UGT1A6: variants seen among roughly 807,000 people sequenced by gnomAD.
The protein encoded by UGT1A6 is UDP-glucuronosyltransferase 1A6.
Under a neutral mutation model 44.4 loss-of-function variants are expected in UGT1A6, and 32 were observed. That is an observed-to-expected ratio of 0.72 (90% CI 0.54 to 0.97). UGT1A6 has a LOEUF of 0.97. Among genes scored for constraint, UGT1A6 ranks in the 50% least tolerant of loss-of-function variants. UGT1A6 has a pLI of 0.00. For missense variants in UGT1A6, 685 were observed against 661.9 expected (o/e 1.03, Z -0.38); for synonymous variants, 238 against 248.5 (o/e 0.96, Z 0.40).
At chr2:233,735,081 G>T (rs541127094) in intron 1 of UGT1A6, among the ~76,000 whole-genome samples, 3 of 152,254 alleles carry the variant, frequency 2.0e-5, no homozygotes, top group African/African-American at 7.2e-5. Context: ...TTAACCTTTG[G>T]TCTTGTTGAA....
At position 233,769,409 on chromosome 2, in the gene UGT1A6, G is replaced by T; in HGVS notation, c.1301+970G>T. The T allele has an allele frequency of 7.6e-7, 1 of 1,316,726 alleles. No individual in the cohort carries two copies. Among genetic ancestry groups the T allele is most frequent in the South Asian group, 1.3e-5 (1 of 78,812 alleles). 81.6% of individuals were successfully genotyped at this position (1,316,726 alleles called of 1,614,324 possible). A position where few individuals can be genotyped will look rare whatever the true frequency, so the allele number is the denominator to read the frequency against. On this transcript the variant is annotated intron_variant, in intron 4 of 4. Transcript: ENST00000305139. The surrounding 1 kb of genome is among the most constrained non-coding windows in gnomAD (Gnocchi z 4.4). The stretch of plus-strand genomic sequence containing the variant: ...AGATACTGTGTGCATATGTGCGTGT[G>T]CGTTTGTGCATGTGGCTGTGCTCAT...
chr2:233,767,888 G>A lies in UGT1A6; in HGVS notation c.1033G>A (p.Ala345Thr), dbSNP rs771899094. 2 of 1,614,028 alleles carry A rather than the reference G, an allele frequency of 1.2e-6. No individual in the cohort carries two copies. The highest frequency in any genetic ancestry group is 3.3e-5 in the Admixed American group (2 of 60,002). The stretch of plus-strand genomic sequence containing the variant: ...CACTGGAACCCGACCATCGAATCTT[G>A]CGAACAACACGATACTTGTTAAGTG... ...RYTGTRPSNL[A>T]NNTILVKWLP... Residue 345 changes from alanine to threonine, a missense_variant, in exon 3 of 5, where the codon GCG becomes ACG. By Grantham distance (58) the Ala-to-Thr change is moderately conservative. Transcript: ENST00000305139.
chr2:233,692,976 T>C lies in UGT1A6; in HGVS notation c.-29T>C, dbSNP rs550082813. The C allele has an allele frequency of 1.9e-6, 3 of 1,612,736 alleles. No individual in the cohort carries two copies. The highest frequency in any genetic ancestry group is 1.7e-5 in the Admixed American group (1 of 59,892). On this transcript the variant is annotated 5_prime_UTR_variant, in exon 1 of 5. Transcript: ENST00000305139. ...TGATTTGGAGAGTGAAAACTCTTTA[T>C]TACCGTTGTTACTTTAACTCTTTCC...
intron 1 of UGT1A6, chr2:233,743,960 G>A (rs745723342): frequency 3.1e-5 from 42 of 1,334,096 alleles, no homozygotes; most frequent in South Asian, 3.6e-5. Flanking sequence ...CACAGCGAGC[G>A]GCAAGGCTGC....
intron 1 of UGT1A6, chr2:233,708,627 T>C (rs2076026553): frequency 6.6e-6 from 1 of 152,184 alleles, no homozygotes; most frequent in Non-Finnish European, 1.5e-5. Flanking sequence ...AGCGTGTGCC[T>C]GTAGACCTAA....
intron 1 of UGT1A6, among the ~76,000 whole-genome samples, chr2:233,765,334 TAAC>T (rs1239541467): frequency 6.6e-6 from 1 of 152,144 alleles, no homozygotes; most frequent in African/African-American, 2.4e-5. Flanking sequence ...CTATTCACAA[TAAC>T]AAAGTCATGG....
chr2:233,743,655 C>G (rs367682058), intron 1 of UGT1A6: 8 of 1,367,176 alleles, frequency 5.9e-6, no homozygotes, highest in Non-Finnish European at 7.8e-6. Flanking sequence ...AAGACGTACT[C>G]GAAGGGGTCC....
upstream of UGT1A6, chr2:233,692,870 G>C (rs540721093): frequency 4.7e-5 from 70 of 1,486,054 alleles, no homozygotes; most frequent in Non-Finnish European, 6.0e-5. Context: ...CATATCAAAG[G>C]GTAAAATTCA....
In UGT1A6 at chr2:233,714,646, G is replaced by T. The variant is rs2076402815; in HGVS notation, c.861+20781G>T. On this transcript the variant is annotated intron_variant, in intron 1 of 4. Transcript: ENST00000305139. ...AACCACTAAAATTAATGTGAATAAT[G>T]CATTTTATTTAACCAGATGTATCCC... 2.0e-5 allele frequency among the ~76,000 whole-genome samples: 3 copies of T among 152,178 alleles called. No individual in the cohort carries two copies. In the South Asian group the frequency reaches 6.2e-4, roughly 32 times the overall value.
At chr2:233,697,412 C>A (rs2075389371) in intron 1 of UGT1A6, among the ~76,000 whole-genome samples, 1 of 151,670 alleles carries the variant, frequency 6.6e-6, no homozygotes, top group African/African-American at 2.4e-5. Flanking sequence ...TCTGTGGTGT[C>A]AGTTGCTGTG....
intron 1 of UGT1A6, chr2:233,747,447 A>G (rs757762144): frequency 1.5e-4 from 248 of 1,608,780 alleles, no homozygotes; most frequent in Non-Finnish European, 2.0e-4. Context: ...CACCCTGACA[A>G]CCTATGCCAT....
At chr2:233,747,272 T>G (rs1693606850) in intron 1 of UGT1A6, 7 of 1,598,964 alleles carry the variant, frequency 4.4e-6, no homozygotes, top group Non-Finnish European at 6.0e-6. Context: ...CTACTCCTTC[T>G]CAGTGCCCAG....
chr2:233,724,349 A>C, intron 1 of UGT1A6, among the ~76,000 whole-genome samples: 2 of 126,484 alleles, frequency 1.6e-5, no homozygotes, highest in Non-Finnish European at 1.7e-5. Flanking sequence ...GACCCCCCCC[A>C]CCTCCCTCCC....
chr2:233,769,545 C>T lies in UGT1A6; in HGVS notation c.1301+1106C>T. ...ACCTCCTTTAGAAAGAAGCAGCAGT[C>T]AGGAAGACAGATGTGAAGAGCTGGA... is the stretch of plus-strand genomic sequence containing the variant. On this transcript the variant is annotated intron_variant, in intron 4 of 4. Transcript: ENST00000305139. This position sits in a 1 kb window ranked among gnomAD's most constrained non-coding sequence, Gnocchi z 4.4. 6.2e-7 allele frequency: 1 copy of T among 1,612,746 alleles called. No homozygotes were observed. Among genetic ancestry groups the T allele is most frequent in the Non-Finnish European group, 8.5e-7 (1 of 1,179,828 alleles).
chr2:233,737,919 T>C (rs1472023706), intron 1 of UGT1A6, among the ~76,000 whole-genome samples: 1 of 152,102 alleles, frequency 6.6e-6, no homozygotes, highest in African/African-American at 2.4e-5. Flanking sequence ...CAGGCTAGTG[T>C]ATTTAGTAGT....
At chr2:233,731,543 TC>T (rs2078176266) in intron 1 of UGT1A6, among the ~76,000 whole-genome samples, 2 of 152,228 alleles carry the variant, frequency 1.3e-5, no homozygotes, top group South Asian at 4.1e-4. Context: ...TGTTTGGTTT[TC>T]TGTCCATGTG....
rs201536382 is a variant in UGT1A6, at chr2:233,713,021, G to A, written c.861+19156G>A. On this transcript the variant is annotated intron_variant, in intron 1 of 4. Transcript: ENST00000305139. ...CCACAGGACTCCAGGTTCCCCTGCC[G>A]CAGCTGGCCACAGGACTGCTGCTTC... 56 of 1,613,716 alleles carry A rather than the reference G, an allele frequency of 3.5e-5. No individual in the cohort carries two copies. In the African/African-American group the frequency reaches 4.5e-4, roughly 13 times the overall value.
At chr2:233,717,241 C>T (rs1043328555) in intron 1 of UGT1A6, among the ~76,000 whole-genome samples, 3 of 152,144 alleles carry the variant, frequency 2.0e-5, no homozygotes, top group African/African-American at 7.2e-5. Flanking sequence ...AAGATGCAGA[C>T]AGTTTTAAGG....
intron 1 of UGT1A6, chr2:233,761,057 G>A: frequency 6.2e-7 from 1 of 1,614,206 alleles, no homozygotes. Flanking sequence ...TGGCTGTTTA[G>A]AAGTGACTTT....
Sources: allele counts gnomAD v4.1 joint callset (sites outside exome capture counted in the v4.1 genomes callset), GRCh38; gene constraint gnomAD v4.1.1; non-coding constraint Gnocchi (gnomAD v3.1); transcripts MANE v1.5; gene names NCBI Gene and HGNC (gene_info 2026-07-23, HGNC 2026-07-21).